The following PIBF1 variants were observed in gnomAD, a reference collection of about 807,000 sequenced individuals.
The protein encoded by PIBF1 is progesterone-induced-blocking factor 1.
Under a neutral mutation model 112.5 loss-of-function variants are expected in PIBF1, and 90 were observed. The observed-to-expected ratio is 0.80, with a 90% CI of 0.67 to 0.95. The LOEUF (loss-of-function observed/expected upper bound fraction) is 0.95, where lower values mean the gene tolerates loss of function less well. PIBF1 is among the 40% of genes least tolerant of loss of function. PIBF1 has a pLI of 0.00. For synonymous variants in PIBF1, 301 were observed against 288.6 expected (o/e 1.04, Z -0.44); for missense variants, 915 against 852.3 (o/e 1.07, Z -0.92).
intron 17 of PIBF1, among the ~76,000 whole-genome samples, chr13:73,013,926 CA>C (rs1467303674): frequency 6.6e-6 from 1 of 152,096 alleles, no homozygotes; most frequent in Non-Finnish European, 1.5e-5. Context: ...CTGTACCCTG[CA>C]AAATTATTCT....
intron 9 of PIBF1, among the ~76,000 whole-genome samples, chr13:72,838,806 A>T (rs1362409256): frequency 6.6e-6 from 1 of 152,222 alleles, no homozygotes; most frequent in Non-Finnish European, 1.5e-5. Flanking sequence ...TTAAGGCCAT[A>T]TTTAGTTTGC....
At chr13:72,867,138 C>T (rs994565331) in intron 10 of PIBF1, among the ~76,000 whole-genome samples, 3 of 152,146 alleles carry the variant, frequency 2.0e-5, no homozygotes, top group Admixed American at 6.5e-5. Context: ...ATCACGGGGG[C>T]AGATCTTTCC....
In PIBF1 at chr13:72,844,791, A is replaced by ACACGCG. The variant is rs1555296225; in HGVS notation, c.1224-9263_1224-9262insGCGCAC. Among the ~76,000 whole-genome samples, 5 of 131,210 alleles carry ACACGCG rather than the reference A, an allele frequency of 3.8e-5. 1 individual carries two copies. Among genetic ancestry groups the ACACGCG allele is most frequent in the African/African-American group, 5.8e-5 (2 of 34,670 alleles). 86.1% of individuals were successfully genotyped at this position (131,210 alleles called of 152,430 possible). On this transcript the variant is annotated intron_variant, in intron 9 of 17. Transcript: ENST00000326291. ...CACACACACACACACACACACACAC[A>ACACGCG]CACACACACGGATGAAGTCTTACTG...
intron 10 of PIBF1, among the ~76,000 whole-genome samples, chr13:72,858,055 G>GTA (rs1212044571): frequency 5.3e-5 from 8 of 151,214 alleles, no homozygotes; most frequent in Non-Finnish European, 7.4e-5. Context: ...GTGTGTGTGT[G>GTA]TGTATGTATT....
chr13:72,972,305 T>A lies in PIBF1; in HGVS notation c.1965-1286T>A, dbSNP rs184084948. Among the ~76,000 whole-genome samples the A allele has an allele frequency of 3.4e-3, 520 of 152,220 alleles. 5 individuals carry two copies. Among genetic ancestry groups the A allele is most frequent in the African/African-American group, 0.012 (494 of 41,534 alleles). On this transcript the variant is annotated intron_variant, in intron 15 of 17. Coordinates refer to ENST00000326291, the MANE Select transcript of PIBF1 (RefSeq NM_006346.4). ...CCTCGATCTCCCAAAGTGCTAGGAT[T>A]ACAGGCATGAGCCAGTGTGCCCTGC...
chr13:72,986,003 A>T (rs8002896), intron 16 of PIBF1, among the ~76,000 whole-genome samples: 51,783 of 151,566 alleles, frequency 0.34, 10,634 homozygotes, highest in African/African-American at 0.58. Context: ...AAAATTTTTT[A>T]AAATAAATAA....
intron 11 of PIBF1, among the ~76,000 whole-genome samples, chr13:72,902,006 A>ATGTGTG (rs137877705): frequency 4.1e-5 from 6 of 147,826 alleles, no homozygotes; most frequent in South Asian, 4.5e-4. Context: ...GTGTATGTAT[A>ATGTGTG]TGTGTGTGTG....
At chr13:72,879,713 A>G (rs765022446) in intron 10 of PIBF1, among the ~76,000 whole-genome samples, 1 of 152,160 alleles carries the variant, frequency 6.6e-6, no homozygotes, top group East Asian at 1.9e-4. Flanking sequence ...ACTATGGCCG[A>G]TAGGCCAAAT....
At chr13:72,807,873 A>G (rs2035815717) in intron 5 of PIBF1, among the ~76,000 whole-genome samples, 1 of 152,212 alleles carries the variant, frequency 6.6e-6, no homozygotes, top group South Asian at 2.1e-4. Context: ...TGACACCAGT[A>G]TATTTATCAG....
At chr13:72,854,002 A>G (rs2138322498) in intron 9 of PIBF1, 55 bp from the exon 10 acceptor site, 3 of 1,282,486 alleles carry the variant, frequency 2.3e-6, no homozygotes, top group East Asian at 4.6e-5. Flanking sequence ...TCTTTAAGAA[A>G]GAACATAGAT....
intron 14 of PIBF1, among the ~76,000 whole-genome samples, chr13:72,935,035 G>GA (rs2041825719): frequency 6.6e-6 from 1 of 152,130 alleles, no homozygotes; most frequent in South Asian, 2.1e-4. Context: ...GCCCAGGCTG[G>GA]AATGCAGTTG....
At chr13:73,006,495 C>T (rs184675055) in intron 17 of PIBF1, among the ~76,000 whole-genome samples, 21 of 152,248 alleles carry the variant, frequency 1.4e-4, no homozygotes, top group Admixed American at 2.6e-4. Flanking sequence ...CTTAAACTCA[C>T]TTAAGTTGGG....
intron 10 of PIBF1, among the ~76,000 whole-genome samples, chr13:72,862,744 A>G (rs2038749859): frequency 6.6e-6 from 1 of 152,208 alleles, no homozygotes; most frequent in African/African-American, 2.4e-5. Context: ...CCCATGAAAC[A>G]TATTACCTAT....
chr13:72,872,668 T>A (rs999280457), intron 10 of PIBF1, among the ~76,000 whole-genome samples: 5 of 152,170 alleles, frequency 3.3e-5, no homozygotes, highest in African/African-American at 1.2e-4. Flanking sequence ...AAATTAAGGC[T>A]CCAGGAGGTT....
chr13:72,866,318 G>C (rs1394312365), intron 10 of PIBF1, among the ~76,000 whole-genome samples: 2 of 152,098 alleles, frequency 1.3e-5, no homozygotes, highest in African/African-American at 4.8e-5. Flanking sequence ...TTTTTGGCAG[G>C]GTTGGGGGCA....
intron 5 of PIBF1, among the ~76,000 whole-genome samples, chr13:72,799,708 A>C (rs1382050533): frequency 6.6e-6 from 1 of 152,186 alleles, no homozygotes; most frequent in Non-Finnish European, 1.5e-5. Flanking sequence ...TTGGTGGTAC[A>C]GGGGTTATTG....
intron 11 of PIBF1, among the ~76,000 whole-genome samples, chr13:72,900,115 A>G (rs2040427843): frequency 6.6e-6 from 1 of 152,194 alleles, no homozygotes; most frequent in African/African-American, 2.4e-5. Flanking sequence ...GACACAAACA[A>G]ATGGAAACAC....
rs144061683 is a variant in PIBF1 at position 72,839,106 on chromosome 13, G to A, written c.1223+3738G>A. ...TTTTATATCAAAAGATCACTGTAAT[G>A]TAGAGAATAGATTGGAATGGCATAA... On this transcript the variant is annotated intron_variant, in intron 9 of 17. Coordinates refer to ENST00000326291, the MANE Select transcript of PIBF1 (RefSeq NM_006346.4). 1.5e-4 allele frequency among the ~76,000 whole-genome samples: 23 copies of A among 152,312 alleles called. No homozygotes were observed. The East Asian group carries it at 4.4e-3, about 29-fold the overall frequency.
chr13:72,877,471 T>C (rs145511226), intron 10 of PIBF1, among the ~76,000 whole-genome samples: 211 of 152,296 alleles, frequency 1.4e-3, no homozygotes, highest in African/African-American at 4.9e-3. Context: ...CTTTCTTCCT[T>C]AAGTAATTGG....
Sources: allele counts gnomAD v4.1 joint callset (sites outside exome capture counted in the v4.1 genomes callset), GRCh38; gene constraint gnomAD v4.1.1; transcripts MANE v1.5; gene names NCBI Gene and HGNC (gene_info 2026-07-23, HGNC 2026-07-21).